The following SLCO1B3 variants were observed in gnomAD, a reference collection of about 807,000 sequenced individuals.
The protein encoded by SLCO1B3 is solute carrier organic anion transporter family member 1B3.
A neutral mutation model predicts 71.8 loss-of-function variants in SLCO1B3; 72 were observed. The observed-to-expected ratio is 1.00, with a 90% CI of 0.83 to 1.22. SLCO1B3 has a LOEUF of 1.22. Among genes scored for constraint, SLCO1B3 ranks in the 50% most tolerant of loss-of-function variants. The probability of loss-of-function intolerance (pLI) is 0.00; values close to 1 mark genes in which losing one functional copy is unlikely to be tolerated. For missense variants in SLCO1B3, 911 were observed against 819.7 expected (o/e 1.11, Z -1.36); for synonymous variants, 298 against 278.4 (o/e 1.07, Z -0.70).
chr12:20,851,602 T>C (rs1209095372), intron 3 of SLCO1B3, among the ~76,000 whole-genome samples: 1 of 152,224 alleles, frequency 6.6e-6, no homozygotes, highest in Non-Finnish European at 1.5e-5. Context: ...GCAATTATTT[T>C]CTGCCATTCT....
intron 15 of SLCO1B3, among the ~76,000 whole-genome samples, chr12:20,904,609 C>T (rs1387082108): frequency 1.3e-5 from 2 of 151,896 alleles, no homozygotes; most frequent in African/African-American, 4.8e-5. Context: ...AGGACAGTGG[C>T]CCTCTTCTTA....
intron 3 of SLCO1B3, among the ~76,000 whole-genome samples, chr12:20,844,115 A>T (rs1280829443): frequency 1.3e-5 from 2 of 151,792 alleles, no homozygotes; most frequent in Non-Finnish European, 2.9e-5. Context: ...TTAAACATAT[A>T]TATATAGTAT....
intron 4 of SLCO1B3, among the ~76,000 whole-genome samples, chr12:20,856,482 A>T (rs747587443): frequency 3.3e-5 from 5 of 152,220 alleles, no homozygotes; most frequent in African/African-American, 4.8e-5. Flanking sequence ...TTGTATTAGA[A>T]GTATTAGAAG....
At chr12:20,813,423 C>T (rs1864140016) in intron 1 of SLCO1B3, 101 bp from the exon 2 acceptor site, 2 of 152,220 alleles carry the variant, frequency 1.3e-5, no homozygotes, top group Non-Finnish European at 2.9e-5. Context: ...TTGAGTTGCT[C>T]TGTTTCCAGT....
At chr12:20,812,560 C>T (rs905521820) in intron 1 of SLCO1B3, among the ~76,000 whole-genome samples, 1 of 152,166 alleles carries the variant, frequency 6.6e-6, no homozygotes, top group Non-Finnish European at 1.5e-5. Context: ...CATACATCTG[C>T]AAGTGCTTAT....
intron 14 of SLCO1B3, among the ~76,000 whole-genome samples, chr12:20,900,419 T>C (rs946993908): frequency 6.6e-6 from 1 of 152,206 alleles, no homozygotes; most frequent in Non-Finnish European, 1.5e-5. Context: ...ATCTGAATGA[T>C]AGCTCTCTAC....
chr12:20,844,265 A>G (rs1031935809), intron 3 of SLCO1B3, among the ~76,000 whole-genome samples: 7 of 151,990 alleles, frequency 4.6e-5, no homozygotes, highest in Admixed American at 4.6e-4. Context: ...TGTATTTCCA[A>G]ATTTTTAAAT....
chr12:20,867,976 A>G, intron 8 of SLCO1B3, among the ~76,000 whole-genome samples: 1 of 152,144 alleles, frequency 6.6e-6, no homozygotes, highest in Non-Finnish European at 1.5e-5. Context: ...CTACCTGTTC[A>G]ATGTGAAGAG....
At chr12:20,889,678 T>C (rs112581791) in intron 13 of SLCO1B3, among the ~76,000 whole-genome samples, 2,550 of 152,256 alleles carry the variant, frequency 0.017, 27 homozygotes, top group Non-Finnish European at 0.028. Context: ...GTAATTTTTT[T>C]GCCCAAATCT....
Position 20,898,472 on chromosome 12 carries a change from T to C in SLCO1B3, c.1719T>C (p.Gly573=). 1 of 1,595,992 alleles carries C rather than the reference T, an allele frequency of 6.3e-7. No homozygotes were observed. Among genetic ancestry groups the C allele is most frequent in the Non-Finnish European group, 8.6e-7 (1 of 1,166,416 alleles). Residue 573 remains glycine (G), a synonymous_variant, in exon 14 of 16, where the codon GGT becomes GGC. Transcript: ENST00000381545. The stretch of plus-strand genomic sequence containing the variant: ...CTGAATTGAAAGCACTTGCAATGGG[T>C]TTCCAGTCAATGGTTATAAGAACAC... ...VQPELKALAM[G]FQSMVIRTLG... is the part of the protein sequence containing the mutation.
chr12:20,870,985 G>A (rs1865464471), intron 8 of SLCO1B3, among the ~76,000 whole-genome samples: 1 of 152,260 alleles, frequency 6.6e-6, no homozygotes, highest in Non-Finnish European at 1.5e-5. Context: ...TAATGTATCA[G>A]ATTTATTGAT....
At chr12:20,886,048 T>C (rs1747712826) in intron 13 of SLCO1B3, among the ~76,000 whole-genome samples, 1 of 152,120 alleles carries the variant, frequency 6.6e-6, no homozygotes, top group Admixed American at 6.6e-5. Context: ...TTCTTTGTTT[T>C]GTTTTGTTTT....
chr12:20,894,364 C>A (rs922218964), intron 13 of SLCO1B3, among the ~76,000 whole-genome samples: 1 of 152,064 alleles, frequency 6.6e-6, no homozygotes. Flanking sequence ...AGTGTGCATG[C>A]ATGTGGATGT....
intron 8 of SLCO1B3, among the ~76,000 whole-genome samples, chr12:20,867,716 GGAA>G (rs1387640176): frequency 6.6e-6 from 1 of 152,158 alleles, no homozygotes; most frequent in Non-Finnish European, 1.5e-5. Flanking sequence ...AGCAAACAGT[GGAA>G]GAAGGATTGG....
intron 15 of SLCO1B3, among the ~76,000 whole-genome samples, chr12:20,910,226 T>C (rs1373474631): frequency 6.6e-6 from 1 of 152,216 alleles, no homozygotes; most frequent in East Asian, 1.9e-4. Context: ...TTCTCCATTG[T>C]AGTACCTTTA....
chr12:20,916,024 C>A lies in SLCO1B3; in HGVS notation c.1886C>A (p.Ser629Tyr), dbSNP rs750741931. ...CACAGAAGGGTCTACTTGGGCTTATCTATAGCTTTAAGATTCCCAGCACTT... is the reference window on the plus strand; with the variant it reads ...CACAGAAGGGTCTACTTGGGCTTATATATAGCTTTAAGATTCCCAGCACTT... ...VFFGRVYLGLSIALRFPALVL... is the reference protein window; with the variant it reads ...VFFGRVYLGLYIALRFPALVL... Residue 629 changes from serine (S) to tyrosine (Y), a missense_variant, in exon 16 of 16, where the codon TCT (serine) becomes TAT (tyrosine). Ser to Tyr is a moderately radical substitution (Grantham distance 144). Transcript: ENST00000381545. 1.9e-6 allele frequency: 3 copies of A among 1,607,570 alleles called. No individual in the cohort carries two copies. Among genetic ancestry groups the A allele is most frequent in the African/African-American group, 1.3e-5 (1 of 74,662 alleles).
intron 3 of SLCO1B3, among the ~76,000 whole-genome samples, chr12:20,833,065 G>A (rs981351237): frequency 2.0e-5 from 3 of 152,248 alleles, no homozygotes; most frequent in African/African-American, 7.2e-5. Context: ...ACACTTCTTT[G>A]TTTTCTCCAG....
At chr12:20,910,807 T>C (rs1313135346) in intron 15 of SLCO1B3, among the ~76,000 whole-genome samples, 1 of 152,224 alleles carries the variant, frequency 6.6e-6, no homozygotes, top group African/African-American at 2.4e-5. Context: ...ATTAATCTTA[T>C]ATCCTGCAAA....
At chr12:20,834,306 A>G (rs1242638866) in intron 3 of SLCO1B3, among the ~76,000 whole-genome samples, 1 of 145,714 alleles carries the variant, frequency 6.9e-6, no homozygotes, top group East Asian at 2.0e-4. Context: ...ATAATTATAT[A>G]TAGGTTGTAT....
Sources: allele counts gnomAD v4.1 joint callset (sites outside exome capture counted in the v4.1 genomes callset), GRCh38; gene constraint gnomAD v4.1.1; transcripts MANE v1.5; gene names NCBI Gene and HGNC (gene_info 2026-07-23, HGNC 2026-07-21).